Variants in SLC4A1AP observed in about 807,000 individuals in gnomAD.
SLC4A1AP encodes solute carrier family 4 member 1 adaptor protein, also known as kanadaptin.
A neutral mutation model predicts 89.7 loss-of-function variants in SLC4A1AP; 64 were observed. That is an observed-to-expected ratio of 0.71 (90% confidence interval 0.58 to 0.88). SLC4A1AP has a LOEUF of 0.88. SLC4A1AP is among the 40% of genes least tolerant of loss of function. The pLI is 0.00. For missense variants in SLC4A1AP, 931 were observed against 965.0 expected (o/e 0.96, Z 0.47); for synonymous variants, 366 against 353.3 (o/e 1.04, Z -0.40).
At chr2:27,685,346 A>G in intron 10 of SLC4A1AP, 69 bp downstream of exon 10, 1 of 1,531,488 alleles carries the variant, frequency 6.5e-7, no homozygotes, top group Non-Finnish European at 8.8e-7. Context: ...AGGTTTTAAA[A>G]AGCAAGGCCA....
chr2:27,668,889 G>A lies in SLC4A1AP; in HGVS notation c.1191G>A (p.Trp397Ter). Reference sequence around the variant, plus strand: ...TTGATGAACAGGGACATAGCACTTGGCTCTGCAGGGTGAGGTATGCTCTTT... The same window carrying A: ...TTGATGAACAGGGACATAGCACTTGACTCTGCAGGGTGAGGTATGCTCTTT... Residue 397 changes from tryptophan (W) to a stop codon, truncating the protein, a stop_gained, in exon 4 of 14, where the codon TGG becomes TGA. Transcript: ENST00000613058. LOFTEE classifies it high-confidence loss of function. 2.5e-6 allele frequency: 4 copies of A among 1,614,072 alleles called. No individual in the cohort carries two copies. Among genetic ancestry groups the A allele is most frequent in the Non-Finnish European group, 3.4e-6 (4 of 1,179,962 alleles).
chr2:27,683,669 G>A (rs929048559), intron 9 of SLC4A1AP, among the ~76,000 whole-genome samples: 2 of 152,090 alleles, frequency 1.3e-5, no homozygotes, highest in African/African-American at 2.4e-5. Context: ...GGCACAATTC[G>A]TCCAAAACAC....
chr2:27,668,634 C>T (rs1675372393), intron 3 of SLC4A1AP: 4 of 687,512 alleles, frequency 5.8e-6, no homozygotes, highest in Non-Finnish European at 1.1e-5. Flanking sequence ...ATTTTTTGTA[C>T]AGATGGGGTT....
chr2:27,677,398 A>C (rs1248296152), intron 7 of SLC4A1AP, 34 bp downstream of exon 7: 4 of 1,412,450 alleles, frequency 2.8e-6, no homozygotes, highest in Non-Finnish European at 4.0e-6. Context: ...TTAATATACC[A>C]CATATAGTGC....
At chr2:27,669,003 G>A in intron 4 of SLC4A1AP, 100 bp downstream of exon 4, 3 of 1,246,158 alleles carry the variant, frequency 2.4e-6, no homozygotes, top group Non-Finnish European at 3.4e-6. Flanking sequence ...TTTCATCTAA[G>A]TTTAAGCTAT....
chr2:27,672,517 C>T (rs1675440850), intron 5 of SLC4A1AP, among the ~76,000 whole-genome samples: 1 of 152,102 alleles, frequency 6.6e-6, no homozygotes, highest in South Asian at 2.1e-4. Context: ...CTTTTTAAAA[C>T]ATAATATCCT....
chr2:27,672,556 C>G (rs1465674034), intron 5 of SLC4A1AP, among the ~76,000 whole-genome samples: 1 of 152,074 alleles, frequency 6.6e-6, no homozygotes, highest in African/African-American at 2.4e-5. Context: ...AATATCTCCT[C>G]TCTGTTTTCT....
chr2:27,683,164 G>T (rs1468107911), intron 9 of SLC4A1AP, among the ~76,000 whole-genome samples: 1 of 152,162 alleles, frequency 6.6e-6, no homozygotes, highest in Non-Finnish European at 1.5e-5. Context: ...TCACACCAGC[G>T]TTATGTAACT....
Position 27,670,652 on chromosome 2 carries a change from C to T in SLC4A1AP, c.1345+1265C>T, listed in dbSNP as rs181401356. 3.8e-3 allele frequency among the ~76,000 whole-genome samples: 575 copies of T among 151,316 alleles called. 3 individuals carry two copies. The highest frequency in any genetic ancestry group is 6.6e-3 in the Admixed American group (100 of 15,210). Reference sequence around the variant, plus strand: ...CAGGCGGATCACGAGGTCAGGAGATCGAGACCATCCTGGCTAACACGGTGA... The same window carrying T: ...CAGGCGGATCACGAGGTCAGGAGATTGAGACCATCCTGGCTAACACGGTGA... On this transcript the variant is annotated intron_variant, in intron 5 of 13. Transcript: ENST00000613058.
intron 1 of SLC4A1AP, 42 bp downstream of exon 1, chr2:27,664,619 A>G (rs1385751016): frequency 5.5e-6 from 8 of 1,450,746 alleles, no homozygotes; most frequent in Non-Finnish European, 6.7e-6. Context: ...GGTTCATTGG[A>G]CTGCGTTCTT....
At chr2:27,694,710 T>C in exon 14 of SLC4A1AP, 1 of 1,484,814 alleles carries the variant, frequency 6.7e-7, no homozygotes. Flanking sequence ...AAAGAAAACC[T>C]TGTGGACCAT....
intron 9 of SLC4A1AP, among the ~76,000 whole-genome samples, chr2:27,684,170 T>C (rs1675666722): frequency 6.6e-6 from 1 of 152,112 alleles, no homozygotes; most frequent in Non-Finnish European, 1.5e-5. Flanking sequence ...CTCATACCTG[T>C]TATCCCAGCA....
chr2:27,674,684 C>T (rs1675484573), intron 5 of SLC4A1AP, among the ~76,000 whole-genome samples: 1 of 148,526 alleles, frequency 6.7e-6, no homozygotes, highest in Non-Finnish European at 1.5e-5. Context: ...TCCTTTTTCT[C>T]ATTTTTCATT....
chr2:27,664,822 C>T (rs1488834364), intron 1 of SLC4A1AP, among the ~76,000 whole-genome samples: 1 of 152,038 alleles, frequency 6.6e-6, no homozygotes, highest in Non-Finnish European at 1.5e-5. Flanking sequence ...AATCCCAACA[C>T]TTTGGGAGGC....
chr2:27,668,803 G>T, intron 3 of SLC4A1AP, 40 bp from the exon 4 acceptor site: 1 of 1,565,364 alleles, frequency 6.4e-7, no homozygotes, highest in East Asian at 2.2e-5. Context: ...AGTAATTTTT[G>T]GATTCTATTA....
intron 6 of SLC4A1AP, 104 bp downstream of exon 6, chr2:27,675,796 ATT>A: frequency 2.7e-6 from 2 of 734,962 alleles, no homozygotes; most frequent in Non-Finnish European, 3.9e-6. Context: ...AAGTAGTAGC[ATT>A]GAAATCTGAT....
rs1553363258 is a variant in SLC4A1AP at position 27,666,359 on chromosome 2, A to AC, written c.1022-897dup. ...CTCCTGACCTTGTGATCCACCCCCCACCCCCCCCCCCCACCCCGCCCCCCG... is the reference window on the plus strand; with the variant it reads ...CTCCTGACCTTGTGATCCACCCCCCACCCCCCCCCCCCCACCCCGCCCCCCG... On this transcript the variant is annotated intron_variant, in intron 2 of 13. Transcript: ENST00000613058. 5.9e-3 allele frequency among the ~76,000 whole-genome samples: 20 copies of AC among 3,366 alleles called. 1 individual carries two copies. The highest frequency in any genetic ancestry group is 6.8e-3 in the African/African-American group (12 of 1,758). The allele number at this position is 3,366 out of a possible 152,430, so 2.2% of individuals were successfully genotyped here. A position where few individuals can be genotyped will look rare whatever the true frequency, so the allele number is the denominator to read the frequency against.
At chr2:27,677,262 A>G in intron 6 of SLC4A1AP, 33 bp from the exon 7 acceptor site, 1 of 1,424,930 alleles carries the variant, frequency 7.0e-7, no homozygotes, top group South Asian at 1.2e-5. Context: ...AAAGAAGAAA[A>G]ACTTTGTAAC....
intron 5 of SLC4A1AP, among the ~76,000 whole-genome samples, chr2:27,669,957 G>A (rs893611140): frequency 6.6e-6 from 1 of 152,090 alleles, no homozygotes; most frequent in Non-Finnish European, 1.5e-5. Context: ...TCTGCCTCCC[G>A]GGTTCAAGCG....
Sources: allele counts gnomAD v4.1 joint callset (sites outside exome capture counted in the v4.1 genomes callset), GRCh38; gene constraint gnomAD v4.1.1; transcripts MANE v1.5; gene names NCBI Gene and HGNC (gene_info 2026-07-23, HGNC 2026-07-21).